NFATC1: variants seen among roughly 807,000 people sequenced by gnomAD.
The protein encoded by NFATC1 is nuclear factor of activated T cells 1.
A neutral mutation model predicts 76.0 loss-of-function variants in NFATC1; 22 were observed. The observed-to-expected ratio is 0.29, with a 90% CI of 0.21 to 0.41. The LOEUF (loss-of-function observed/expected upper bound fraction) is 0.41, where lower values mean the gene tolerates loss of function less well. Ranked by LOEUF, NFATC1 falls within the 10% of genes least tolerant of loss-of-function variation. The pLI, the probability that NFATC1 is intolerant of heterozygous loss-of-function variation, is 1.00. For synonymous variants in NFATC1, 704 were observed against 613.1 expected, an observed-to-expected ratio of 1.15 and a Z score of -2.19; for missense variants, 1,357 against 1,337.7, an observed-to-expected ratio of 1.01 and a Z score of -0.23.
chr18:79,508,666 T>TCTGTCTCC (rs1385608069), intron 9 of NFATC1, among the ~76,000 whole-genome samples: 6 of 152,124 alleles, frequency 3.9e-5, no homozygotes, highest in African/African-American at 1.4e-4. Flanking sequence ...AGTCTGTCTC[T>TCTGTCTCC]CTGTCTCCCT....
chr18:79,413,683 A>G (rs933919035), intron 2 of NFATC1, among the ~76,000 whole-genome samples: 7 of 152,214 alleles, frequency 4.6e-5, no homozygotes, highest in Non-Finnish European at 8.8e-5. Context: ...CGCAGTAAAA[A>G]TGGCAGGCAG....
intron 5 of NFATC1, 57 bp downstream of exon 5, chr18:79,451,183 A>G: frequency 1.3e-6 from 2 of 1,553,720 alleles, no homozygotes; most frequent in Admixed American, 3.5e-5. Flanking sequence ...CATGCGCTTC[A>G]CTGTCTCACC....
At chr18:79,449,791 C>T (rs1471693809) in intron 4 of NFATC1, among the ~76,000 whole-genome samples, 1 of 152,126 alleles carries the variant, frequency 6.6e-6, no homozygotes, top group Non-Finnish European at 1.5e-5. Context: ...TGCAGAGGTC[C>T]TGGGGCTGCA....
intron 1 of NFATC1, chr18:79,400,374 G>GCCCCGA (rs2085157602): frequency 6.8e-7 from 1 of 1,474,860 alleles, no homozygotes; most frequent in Non-Finnish European, 9.0e-7. Flanking sequence ...TCCCGCCCCG[G>GCCCCGA]CCCCGGCCCG....
At chr18:79,403,964 A>G (rs919572160) in intron 1 of NFATC1, among the ~76,000 whole-genome samples, 11 of 152,158 alleles carry the variant, frequency 7.2e-5, no homozygotes, top group Non-Finnish European at 4.4e-5. Context: ...CGTTCCTGCT[A>G]TTACCATGCA....
At chr18:79,480,383 C>T (rs1474931797) in intron 8 of NFATC1, among the ~76,000 whole-genome samples, 1 of 152,036 alleles carries the variant, frequency 6.6e-6, no homozygotes, top group East Asian at 1.9e-4. Context: ...GTCCACTGGG[C>T]CTTCTGCTTG....
At chr18:79,400,964 C>G (rs1192307707) in intron 1 of NFATC1, among the ~76,000 whole-genome samples, 1 of 86,330 alleles carries the variant, frequency 1.2e-5, no homozygotes, top group African/African-American at 4.5e-5. Context: ...TCCCTCCCCG[C>G]CGCCGTCTCC....
intron 2 of NFATC1, among the ~76,000 whole-genome samples, chr18:79,416,371 G>C (rs1260706494): frequency 1.3e-5 from 2 of 152,172 alleles, no homozygotes; most frequent in Non-Finnish European, 2.9e-5. Context: ...TTGTGGCTCT[G>C]GTACCTGAGG....
In NFATC1 at chr18:79,410,970, G is replaced by A. The variant is rs765740454; in HGVS notation, c.695G>A (p.Gly232Asp). The A allele has an allele frequency of 7.5e-6, 12 of 1,603,164 alleles. No homozygotes were observed. The South Asian group carries it at 1.2e-4, about 16-fold the overall frequency. ...GGGCTGGGGGCCTGCACACTGCTGG[G>A]TTCCCCGCGGCACTCCCCCTCCACC... The part of the protein sequence containing the change: ...PRGLGACTLL[G>D]SPRHSPSTSP... Residue 232 changes from glycine to aspartate, a missense_variant, in exon 2 of 10, where the codon GGT (glycine) becomes GAT (aspartate). By Grantham distance (94) the Gly-to-Asp change is moderately conservative (BLOSUM62 -1). Coordinates refer to ENST00000427363, the MANE Select transcript of NFATC1 (RefSeq NM_001278669.2). This position sits in a 1 kb window ranked among gnomAD's most constrained non-coding sequence, Gnocchi z 6.7.
At chr18:79,523,201 A>C (rs553568632) in intron 9 of NFATC1, among the ~76,000 whole-genome samples, 1 of 152,314 alleles carries the variant, frequency 6.6e-6, no homozygotes, top group South Asian at 2.1e-4. Flanking sequence ...AAAATGTAAG[A>C]TCCTTAATTG....
intron 9 of NFATC1, among the ~76,000 whole-genome samples, chr18:79,510,838 G>A (rs569345614): frequency 4.0e-5 from 6 of 149,240 alleles, no homozygotes; most frequent in Admixed American, 1.3e-4. Flanking sequence ...ATCCTCTGCC[G>A]GGGCATCCTC....
At chr18:79,439,337 G>C (rs1274425428) in intron 3 of NFATC1, among the ~76,000 whole-genome samples, 1 of 152,192 alleles carries the variant, frequency 6.6e-6, no homozygotes, top group African/African-American at 2.4e-5. Context: ...AACAGCAGCC[G>C]CTCCGGCCCC....
At chr18:79,458,316 G>A (rs911747412) in intron 6 of NFATC1, among the ~76,000 whole-genome samples, 2 of 144,684 alleles carry the variant, frequency 1.4e-5, no homozygotes, top group African/African-American at 5.7e-5. Flanking sequence ...CGGGGAGCAG[G>A]GCACGAGGAT....
At position 79,518,290 on chromosome 18, in the gene NFATC1, A is replaced by G. The variant is rs531449085; in HGVS notation, c.2783-9238A>G. ...CTGCGTCCAATGACAGGCACAGTCAATTCTTTGAGACAGAAAGGGAAGGAC... is the reference window on the plus strand; with the variant it reads ...CTGCGTCCAATGACAGGCACAGTCAGTTCTTTGAGACAGAAAGGGAAGGAC... On this transcript the variant is annotated intron_variant, in intron 9 of 9. Coordinates refer to ENST00000427363, the MANE Select transcript of NFATC1 (RefSeq NM_001278669.2). Among the ~76,000 whole-genome samples, 559 of 152,390 alleles carry G rather than the reference A, an allele frequency of 3.7e-3. 6 individuals carry two copies. The highest frequency in any genetic ancestry group is 0.013 in the African/African-American group (528 of 41,592).
In NFATC1 at chr18:79,527,710, T is replaced by A. The variant is rs1390883977; in HGVS notation, c.*133T>A. 9 of 787,608 alleles carry A rather than the reference T, an allele frequency of 1.1e-5. No individual in the cohort carries two copies. Among genetic ancestry groups the A allele is most frequent in the Non-Finnish European group, 1.9e-5 (9 of 468,984 alleles). 48.8% of individuals were successfully genotyped at this position (787,608 alleles called of 1,614,324 possible). A position where few individuals can be genotyped will look rare whatever the true frequency, so the allele number is the denominator to read the frequency against. ...CTGACTGAATGCCAGGAGCTGAACATTAATATGTGCAAAGATTGGCTCTCC... is the reference window on the plus strand; with the variant it reads ...CTGACTGAATGCCAGGAGCTGAACAATAATATGTGCAAAGATTGGCTCTCC... On this transcript the variant is annotated 3_prime_UTR_variant, in exon 10 of 10. Transcript: ENST00000427363.
chr18:79,441,915 A>G (rs1044753272), intron 3 of NFATC1, among the ~76,000 whole-genome samples: 1 of 152,118 alleles, frequency 6.6e-6, no homozygotes, highest in Non-Finnish European at 1.5e-5. Context: ...GTTTCCGGGC[A>G]GAATCTTCTT....
rs188238928 is a variant in NFATC1 at position 79,448,241 on chromosome 18, G to A, written c.1387-541G>A. On this transcript the variant is annotated intron_variant, in intron 3 of 9. Transcript: ENST00000427363. ...CTCAGCCACCAGGACGGCGTTGAGCGCTCCCCTGCCTCTGCAGGAGGAGAG... is the reference window on the plus strand; with the variant it reads ...CTCAGCCACCAGGACGGCGTTGAGCACTCCCCTGCCTCTGCAGGAGGAGAG... 2.4e-3 allele frequency: 377 copies of A among 159,860 alleles called. 1 individual carries two copies. The highest frequency in any genetic ancestry group is 3.8e-3 in the Non-Finnish European group (272 of 72,168). The allele number at this position is 159,860 out of a possible 1,614,324, so 9.9% of individuals were successfully genotyped here. A position where few individuals can be genotyped will look rare whatever the true frequency, so the allele number is the denominator to read the frequency against.
chr18:79,473,745 CGTT>C (rs766385366), intron 8 of NFATC1, among the ~76,000 whole-genome samples: 69 of 149,772 alleles, frequency 4.6e-4, no homozygotes, highest in South Asian at 6.4e-4. Flanking sequence ...TCACTGTCGA[CGTT>C]GTGAGGGAAG....
At chr18:79,396,439 G>C in intron 1 of NFATC1, 88 bp downstream of exon 1, 1 of 903,260 alleles carries the variant, frequency 1.1e-6, no homozygotes, top group Non-Finnish European at 1.4e-6. Flanking sequence ...TCGCCCGCAC[G>C]GAGGGGTCCG....
Sources: allele counts gnomAD v4.1 joint callset (sites outside exome capture counted in the v4.1 genomes callset), GRCh38; gene constraint gnomAD v4.1.1; non-coding constraint Gnocchi (gnomAD v3.1); transcripts MANE v1.5; gene names NCBI Gene and HGNC (gene_info 2026-07-23, HGNC 2026-07-21).